Variants in CDH18 observed in about 807,000 individuals in gnomAD.
The protein encoded by CDH18 is cadherin-18.
CDH18 carries 31 observed loss-of-function variants against 67.9 expected under a neutral mutation model. The observed-to-expected ratio is 0.46, with a 90% CI of 0.34 to 0.62. The LOEUF is 0.62. Among genes scored for constraint, CDH18 ranks in the 20% least tolerant of loss-of-function variants. The pLI is 0.01. For synonymous variants in CDH18, 362 were observed against 347.2 expected, an observed-to-expected ratio of 1.04 and a Z score of -0.48; for missense variants, 890 against 975.5, an observed-to-expected ratio of 0.91 and a Z score of 1.17.
chr5:20,553,633 A>T (rs1333355243), intron 1 of CDH18, among the ~76,000 whole-genome samples: 2 of 152,322 alleles, frequency 1.3e-5, no homozygotes, highest in East Asian at 3.9e-4. Flanking sequence ...CAGGCTACTC[A>T]TTGCAGCTAG....
chr5:19,541,683 A>C (rs1429024178), intron 9 of CDH18, among the ~76,000 whole-genome samples: 1 of 152,080 alleles, frequency 6.6e-6, no homozygotes, highest in African/African-American at 2.4e-5. Flanking sequence ...AAACCATCAG[A>C]TCTCCTGAGA....
At chr5:20,382,262 G>T (rs1743969264) in intron 1 of CDH18, among the ~76,000 whole-genome samples, 1 of 152,120 alleles carries the variant, frequency 6.6e-6, no homozygotes, top group Non-Finnish European at 1.5e-5. Flanking sequence ...GTGACAACTG[G>T]CATTTTTCTT....
chr5:19,879,925 T>C (rs773997030), intron 2 of CDH18, among the ~76,000 whole-genome samples: 2 of 152,008 alleles, frequency 1.3e-5, no homozygotes, highest in African/African-American at 4.8e-5. Context: ...ACTTAATGAA[T>C]TGTTTGCTTG....
intron 2 of CDH18, among the ~76,000 whole-genome samples, chr5:20,118,246 T>C (rs1748081519): frequency 6.6e-6 from 1 of 152,182 alleles, no homozygotes; most frequent in African/African-American, 2.4e-5. Flanking sequence ...AAAGGAATTA[T>C]GTGATAGTAT....
At chr5:19,848,392 TC>T (rs1228126746) in intron 2 of CDH18, among the ~76,000 whole-genome samples, 1 of 152,126 alleles carries the variant, frequency 6.6e-6, no homozygotes, top group East Asian at 1.9e-4. Flanking sequence ...TGCCACACTT[TC>T]CTATCAGCTT....
intron 2 of CDH18, among the ~76,000 whole-genome samples, chr5:20,242,620 A>ACATATATATATATACACATG (rs1554106663): frequency 4.4e-5 from 3 of 68,880 alleles, no homozygotes; most frequent in South Asian, 8.9e-4. Flanking sequence ...AAATATATAT[A>ACATATATATATATACACATG]TATATATATA....
intron 2 of CDH18, among the ~76,000 whole-genome samples, chr5:20,023,456 G>A (rs1353367854): frequency 6.6e-6 from 1 of 151,924 alleles, no homozygotes; most frequent in Non-Finnish European, 1.5e-5. Flanking sequence ...TCAGGAGATC[G>A]AGACCATCCT....
At chr5:20,550,238 T>C (rs921168775) in intron 1 of CDH18, among the ~76,000 whole-genome samples, 2 of 152,148 alleles carry the variant, frequency 1.3e-5, no homozygotes, top group African/African-American at 2.4e-5. Flanking sequence ...ATAAAACCAA[T>C]ACTGGGTGTA....
chr5:20,419,784 T>C (rs1255442099), intron 1 of CDH18, among the ~76,000 whole-genome samples: 1 of 150,938 alleles, frequency 6.6e-6, no homozygotes, highest in Non-Finnish European at 1.5e-5. Context: ...TCCCTGGGAC[T>C]CTTTTGGCAC....
At chr5:20,477,233 G>C (rs1018047793) in intron 1 of CDH18, among the ~76,000 whole-genome samples, 4 of 151,920 alleles carry the variant, frequency 2.6e-5, no homozygotes, top group Non-Finnish European at 5.9e-5. Context: ...GAGGGAGAGA[G>C]AGCAAGATGG....
At chr5:19,795,761 C>A (rs897138017) in intron 3 of CDH18, among the ~76,000 whole-genome samples, 2 of 152,012 alleles carry the variant, frequency 1.3e-5, no homozygotes, top group African/African-American at 4.8e-5. Flanking sequence ...GATGTCAACA[C>A]CGCAATGAAC....
At chr5:19,920,688 A>C (rs1792339233) in intron 2 of CDH18, among the ~76,000 whole-genome samples, 1 of 151,214 alleles carries the variant, frequency 6.6e-6, no homozygotes, top group African/African-American at 2.4e-5. Context: ...TAATTTTTGT[A>C]TTTTTAGTAG....
chr5:19,882,994 T>C (rs1290094187), intron 2 of CDH18, among the ~76,000 whole-genome samples: 1 of 152,164 alleles, frequency 6.6e-6, no homozygotes, highest in East Asian at 1.9e-4. Flanking sequence ...TGCTATTAAA[T>C]ATATTTAGCC....
At chr5:19,786,721 T>C (rs752596317) in intron 3 of CDH18, among the ~76,000 whole-genome samples, 3 of 152,166 alleles carry the variant, frequency 2.0e-5, no homozygotes, top group South Asian at 2.1e-4. Context: ...ACATTTTACA[T>C]TGGACACAGT....
At chr5:19,546,064 C>T (rs1736266752) in intron 8 of CDH18, among the ~76,000 whole-genome samples, 1 of 152,054 alleles carries the variant, frequency 6.6e-6, no homozygotes, top group South Asian at 2.1e-4. Flanking sequence ...AATGGCTTAC[C>T]AGGAAGGAAG....
At chr5:19,545,163 C>T (rs1736099328) in intron 8 of CDH18, among the ~76,000 whole-genome samples, 1 of 152,082 alleles carries the variant, frequency 6.6e-6, no homozygotes, top group Non-Finnish European at 1.5e-5. Flanking sequence ...CTTTTTAAAT[C>T]TCAGCTTAAG....
chr5:20,184,500 C>T (rs918633042), intron 2 of CDH18, among the ~76,000 whole-genome samples: 5 of 152,086 alleles, frequency 3.3e-5, no homozygotes, highest in Admixed American at 6.6e-5. Context: ...AACTGTCATT[C>T]TGCCTCTGCA....
chr5:19,848,797 C>T (rs895892930), intron 2 of CDH18, among the ~76,000 whole-genome samples: 1 of 150,398 alleles, frequency 6.6e-6, no homozygotes, highest in Non-Finnish European at 1.5e-5. Flanking sequence ...AAATGCTATA[C>T]ATATATATCA....
chr5:20,510,526 G>A (rs1360324759), intron 1 of CDH18, among the ~76,000 whole-genome samples: 6 of 151,972 alleles, frequency 3.9e-5, no homozygotes, highest in South Asian at 2.1e-4. Flanking sequence ...TCTTTGATGC[G>A]ATTGAAAATC....
Sources: gnomAD v4.1 joint callset for allele counts (sites outside exome capture counted in the v4.1 genomes callset) on GRCh38, gnomAD v4.1.1 for gene constraint, MANE v1.5 for transcripts, NCBI Gene and HGNC (gene_info 2026-07-23, HGNC 2026-07-21) for gene names.